The following AOAH variants were observed in gnomAD, a reference collection of about 807,000 sequenced individuals.
AOAH encodes the protein acyloxyacyl hydrolase (neutrophil).
Under a neutral mutation model 92.2 loss-of-function variants are expected in AOAH, and 64 were observed. The ratio of observed to expected loss-of-function variants is 0.69; its 90% CI spans 0.57 to 0.86. The LOEUF (loss-of-function observed/expected upper bound fraction) is 0.86. AOAH is among the 40% of genes least tolerant of loss of function. The pLI is 0.00. For synonymous variants in AOAH, 263 were observed against 254.5 expected, an observed-to-expected ratio of 1.03 and a Z score of -0.32; for missense variants, 656 against 694.6, an observed-to-expected ratio of 0.94 and a Z score of 0.62.
intron 2 of AOAH, among the ~76,000 whole-genome samples, chr7:36,675,117 G>A (rs1584089846): frequency 1.3e-5 from 2 of 152,186 alleles, no homozygotes; most frequent in East Asian, 1.9e-4. Flanking sequence ...TTAGCTGGGT[G>A]TAGTGGCAGG....
intron 1 of AOAH, among the ~76,000 whole-genome samples, chr7:36,708,760 G>GA (rs924335495): frequency 2.0e-5 from 3 of 152,130 alleles, no homozygotes; most frequent in Non-Finnish European, 4.4e-5. Context: ...GGAATGTAGA[G>GA]TTTTTTACAT....
At chr7:36,583,706 T>C (rs1583873948) in intron 12 of AOAH, among the ~76,000 whole-genome samples, 1 of 152,178 alleles carries the variant, frequency 6.6e-6, no homozygotes, top group Non-Finnish European at 1.5e-5. Context: ...TTCATAGGCA[T>C]TGTGTTCAAT....
intron 4 of AOAH, among the ~76,000 whole-genome samples, chr7:36,641,016 G>C (rs539185729): frequency 1.3e-5 from 2 of 152,304 alleles, no homozygotes; most frequent in East Asian, 3.9e-4. Flanking sequence ...CTCAGGGGTT[G>C]AGAAAGCTTC....
intron 1 of AOAH, among the ~76,000 whole-genome samples, chr7:36,708,545 G>A (rs1798568781): frequency 6.6e-6 from 1 of 152,054 alleles, no homozygotes; most frequent in Non-Finnish European, 1.5e-5. Context: ...TTCACTCAGA[G>A]TCCCTTTCTA....
intron 11 of AOAH, among the ~76,000 whole-genome samples, chr7:36,604,728 C>T (rs1051435039): frequency 6.6e-6 from 1 of 152,196 alleles, no homozygotes; most frequent in Non-Finnish European, 1.5e-5. Flanking sequence ...TTTCCCCCAG[C>T]CCTGGACTGC....
intron 4 of AOAH, among the ~76,000 whole-genome samples, chr7:36,646,557 G>A (rs1794232809): frequency 6.6e-6 from 1 of 152,154 alleles, no homozygotes; most frequent in South Asian, 2.1e-4. Context: ...TCAATTATTT[G>A]TATTAGTTTC....
At chr7:36,659,744 CT>C (rs1289708744) in intron 3 of AOAH, among the ~76,000 whole-genome samples, 6 of 141,540 alleles carry the variant, frequency 4.2e-5, no homozygotes, top group Admixed American at 3.7e-4. Flanking sequence ...AAACATATTT[CT>C]TTTTTCTTTC....
chr7:36,527,495 A>G (rs901246830), intron 19 of AOAH, among the ~76,000 whole-genome samples: 3 of 152,078 alleles, frequency 2.0e-5, no homozygotes, highest in African/African-American at 7.2e-5. Context: ...CCTTCCTCGA[A>G]GGAACTCAAA....
At chr7:36,521,558 G>C (rs555834970) in intron 20 of AOAH, among the ~76,000 whole-genome samples, 1 of 152,248 alleles carries the variant, frequency 6.6e-6, no homozygotes, top group South Asian at 2.1e-4. Flanking sequence ...CTTACTGCAG[G>C]ATACTGCTAA....
intron 1 of AOAH, among the ~76,000 whole-genome samples, chr7:36,706,150 T>C (rs1448333706): frequency 6.6e-6 from 1 of 152,116 alleles, no homozygotes. Flanking sequence ...AACTGACACT[T>C]GGGAGCTAAT....
intron 3 of AOAH, among the ~76,000 whole-genome samples, chr7:36,660,360 G>C (rs1374820329): frequency 1.3e-5 from 2 of 152,180 alleles, no homozygotes; most frequent in Non-Finnish European, 2.9e-5. Flanking sequence ...CTGTCGCCCA[G>C]GCTGGAGTGC....
rs138365071 is a variant in AOAH, at chr7:36,694,046, C to G, written c.128-7252G>C. The stretch of plus-strand genomic sequence containing the variant: ...TATAAACTGACAATTTCATTAAGTT[C>G]CCCTTCCATTTTACTGGAAGCAAAG... On this transcript the variant is annotated intron_variant, in intron 1 of 20. Transcript: ENST00000617537. 9.8e-5 allele frequency among the ~76,000 whole-genome samples: 15 copies of G among 152,294 alleles called. No homozygotes were observed. In the East Asian group the frequency reaches 2.9e-3, roughly 29 times the overall value.
chr7:36,686,601 C>A, intron 2 of AOAH, 98 bp downstream of exon 2: 1 of 586,758 alleles, frequency 1.7e-6, no homozygotes, highest in Middle Eastern at 2.8e-4. Flanking sequence ...TAATCAGATT[C>A]TTCTCTGTAA....
At chr7:36,674,066 C>G in intron 2 of AOAH, 57 bp from the exon 3 acceptor site, 2 of 941,324 alleles carry the variant, frequency 2.1e-6, no homozygotes, top group Non-Finnish European at 3.4e-6. Flanking sequence ...ATTTAACACA[C>G]CTTAATAATG....
rs117632165 is a variant in AOAH, at chr7:36,640,491, C to T, written c.391-2581G>A. On this transcript the variant is annotated intron_variant, in intron 4 of 20. Transcript: ENST00000617537. ...AGAATCCCACCAGCACCCTTGAGGC[C>T]GGGGCAACAGGGGCTTAGCCAGCAC... Among the ~76,000 whole-genome samples the T allele has an allele frequency of 5.4e-3, 825 of 152,240 alleles. 7 individuals carry two copies. The highest frequency in any genetic ancestry group is 0.02 in the South Asian group (96 of 4,820).
At chr7:36,532,451 G>T in intron 16 of AOAH, 107 bp from the exon 17 acceptor site, 4 of 1,012,914 alleles carry the variant, frequency 3.9e-6, no homozygotes, top group African/African-American at 1.6e-5. Context: ...TATTTCCAGG[G>T]TGTTCCCCTG....
At chr7:36,687,882 A>T (rs1797136771) in intron 1 of AOAH, among the ~76,000 whole-genome samples, 1 of 152,184 alleles carries the variant, frequency 6.6e-6, no homozygotes, top group Non-Finnish European at 1.5e-5. Flanking sequence ...ATTCCTATAC[A>T]TAAAGATGTA....
In AOAH at chr7:36,594,437, A is replaced by C; in HGVS notation, c.847-7T>G. The C allele has an allele frequency of 1.9e-6, 3 of 1,608,468 alleles. No individual in the cohort carries two copies. Among genetic ancestry groups the C allele is most frequent in the Non-Finnish European group, 2.6e-6 (3 of 1,174,846 alleles). On this transcript the variant is annotated splice_polypyrimidine_tract_variant and splice_region_variant and intron_variant, in intron 11 of 20. Transcript: ENST00000617537. The stretch of plus-strand genomic sequence containing the variant: ...GTAGATTGATGAAAGAGTTCTAAGG[A>C]AAACAATAAAGTAGCAATTATCAAA...
At chr7:36,519,206 G>C (rs1783982734) in intron 20 of AOAH, among the ~76,000 whole-genome samples, 1 of 152,136 alleles carries the variant, frequency 6.6e-6, no homozygotes, top group South Asian at 2.1e-4. Flanking sequence ...GATGTTCCAT[G>C]ATCTGGTTCC....
Sources: gnomAD v4.1 joint callset for allele counts (sites outside exome capture counted in the v4.1 genomes callset) on GRCh38, gnomAD v4.1.1 for gene constraint, MANE v1.5 for transcripts, NCBI Gene and HGNC (gene_info 2026-07-23, HGNC 2026-07-21) for gene names.